ERAP1: variants seen among roughly 807,000 people sequenced by gnomAD.
ERAP1 encodes adipocyte-derived leucine aminopeptidase.
A neutral mutation model predicts 103.7 loss-of-function variants in ERAP1; 86 were observed. The observed-to-expected ratio is 0.83, with a 90% CI of 0.70 to 0.99. The LOEUF (loss-of-function observed/expected upper bound fraction) is 0.99. Ranked by LOEUF, ERAP1 falls within the 50% of genes least tolerant of loss-of-function variation. The probability of loss-of-function intolerance (pLI) is 0.00; values close to 1 mark genes in which losing one functional copy is unlikely to be tolerated. For missense variants in ERAP1, 1,009 were observed against 1,128.4 expected (o/e 0.89, Z 1.52); for synonymous variants, 398 against 402.4 (o/e 0.99, Z 0.13).
chr5:96,917,545 TA>T, the ERAP1 span: 1 of 1,613,820 alleles, frequency 6.2e-7, no homozygotes, highest in African/African-American at 1.3e-5. Flanking sequence ...TAACCAAAAA[TA>T]TAAAATGGCT....
the ERAP1 span, among the ~76,000 whole-genome samples, chr5:96,870,038 A>T: frequency 1.3e-5 from 2 of 152,230 alleles, no homozygotes; most frequent in South Asian, 4.1e-4. Context: ...AAACCCAAAG[A>T]GGTGAACGAG....
chr5:96,782,124 C>T (rs1260524290), intron 15 of ERAP1, among the ~76,000 whole-genome samples: 1 of 151,818 alleles, frequency 6.6e-6, no homozygotes, highest in Non-Finnish European at 1.5e-5. Context: ...CATTCTCCTA[C>T]CTCAGCCTCC....
At chr5:96,763,365 CATGTGCATGTGTGT>C (rs1768700514) in intron 19 of ERAP1, 3 of 713,022 alleles carry the variant, frequency 4.2e-6, no homozygotes, top group Admixed American at 2.0e-5. Context: ...TGTGCATGTG[CATGTGCATGTGTGT>C]ATGTAAACAC....
the ERAP1 span, chr5:96,883,870 C>T: frequency 6.2e-7 from 1 of 1,613,618 alleles, no homozygotes. Flanking sequence ...TGTTCAAAGC[C>T]AACTTTTCAA....
upstream of ERAP1, among the ~76,000 whole-genome samples, chr5:96,810,202 A>G (rs913073584): frequency 2.0e-5 from 3 of 152,184 alleles, no homozygotes; most frequent in African/African-American, 7.2e-5. Context: ...GGCAGCATTC[A>G]CTTCTAGTTT....
At chr5:96,807,563 G>C (rs1056207852) in intron 1 of ERAP1, among the ~76,000 whole-genome samples, 2 of 152,134 alleles carry the variant, frequency 1.3e-5, no homozygotes, top group African/African-American at 4.8e-5. Context: ...GCGCCCGGAG[G>C]GACAGGGACA....
the ERAP1 span, chr5:96,913,268 A>G: frequency 1.3e-6 from 2 of 1,488,254 alleles, no homozygotes; most frequent in Non-Finnish European, 1.9e-6. Flanking sequence ...GTTAATGTCC[A>G]TGTACATAAT....
chr5:96,829,948 C>A, the ERAP1 span, among the ~76,000 whole-genome samples: 2 of 152,294 alleles, frequency 1.3e-5, no homozygotes, highest in Non-Finnish European at 2.9e-5. Context: ...ATTGAACCAA[C>A]TTTCCCTCTG....
At chr5:96,768,200 T>C (rs1476411990) in intron 19 of ERAP1, among the ~76,000 whole-genome samples, 1 of 152,048 alleles carries the variant, frequency 6.6e-6, no homozygotes, top group Non-Finnish European at 1.5e-5. Context: ...CCTCCTACCT[T>C]AGCTTCCTGA....
At chr5:96,798,405 G>A (rs909029028) in intron 3 of ERAP1, among the ~76,000 whole-genome samples, 1 of 151,930 alleles carries the variant, frequency 6.6e-6, no homozygotes, top group Admixed American at 6.6e-5. Context: ...GTAAGGGTGG[G>A]GTATAGTTGA....
chr5:96,927,447 A>G, the ERAP1 span, among the ~76,000 whole-genome samples: 2 of 151,190 alleles, frequency 1.3e-5, no homozygotes, highest in Non-Finnish European at 2.9e-5. Flanking sequence ...CCATTTGTAT[A>G]TCTTCTTTGG....
the ERAP1 span, among the ~76,000 whole-genome samples, chr5:96,885,713 G>A: frequency 6.6e-6 from 1 of 152,046 alleles, no homozygotes; most frequent in Non-Finnish European, 1.5e-5. Context: ...GTGGGGAAGA[G>A]CCTGTCTAGG....
chr5:96,827,551 G>A, the ERAP1 span, among the ~76,000 whole-genome samples: 1 of 152,144 alleles, frequency 6.6e-6, no homozygotes, highest in East Asian at 1.9e-4. Flanking sequence ...TGTAGTCCCA[G>A]CTACTTGGGA....
chr5:96,882,674 G>A, the ERAP1 span, among the ~76,000 whole-genome samples: 1 of 152,136 alleles, frequency 6.6e-6, no homozygotes, highest in Non-Finnish European at 1.5e-5. Flanking sequence ...AATTTCATGT[G>A]AGTGAAAATT....
At chr5:96,864,738 A>G in the ERAP1 span, among the ~76,000 whole-genome samples, 1 of 152,196 alleles carries the variant, frequency 6.6e-6, no homozygotes, top group Non-Finnish European at 1.5e-5. Context: ...TGATTTGGGT[A>G]TCTTGAAAAT....
the ERAP1 span, among the ~76,000 whole-genome samples, chr5:96,846,441 A>G: frequency 0.048 from 7,272 of 152,280 alleles, 214 homozygotes; most frequent in South Asian, 0.11. Context: ...AGAAGCTCTA[A>G]AAAAGAAAGC....
At chr5:96,836,283 C>T in the ERAP1 span, among the ~76,000 whole-genome samples, 3 of 149,952 alleles carry the variant, frequency 2.0e-5, no homozygotes, top group South Asian at 6.4e-4. Flanking sequence ...CTCACTGCAA[C>T]CTCTACGTCC....
intron 11 of ERAP1, among the ~76,000 whole-genome samples, chr5:96,787,069 A>G (rs1271287309): frequency 6.6e-6 from 1 of 152,226 alleles, no homozygotes; most frequent in African/African-American, 2.4e-5. Context: ...GACCAAAATG[A>G]TGCAACAACT....
the ERAP1 span, among the ~76,000 whole-genome samples, chr5:96,923,576 C>G: frequency 6.6e-6 from 1 of 151,756 alleles, no homozygotes; most frequent in Non-Finnish European, 1.5e-5. Flanking sequence ...CGCCCGTAGT[C>G]CCAGCTATTT....
Sources: gnomAD v4.1 joint callset for allele counts (sites outside exome capture counted in the v4.1 genomes callset) on GRCh38, gnomAD v4.1.1 for gene constraint, MANE v1.5 for transcripts, NCBI Gene and HGNC (gene_info 2026-07-23, HGNC 2026-07-21) for gene names.